Variants in NDUFA1 observed in about 807,000 individuals in gnomAD.
The protein encoded by NDUFA1 is NADH:ubiquinone oxidoreductase subunit A1.
For missense variants in NDUFA1, 42 were observed against 56.0 expected (o/e 0.75, Z 0.80); for synonymous variants, 21 against 20.0 (o/e 1.05, Z -0.14).
intron 2 of NDUFA1, among the ~76,000 whole-genome samples, chrX:119,875,623 T>A (rs1364081273): frequency 9.0e-6 from 1 of 110,665 alleles, no homozygotes; most frequent in Non-Finnish European, 1.9e-5. Context: ...TCTTTTAATT[T>A]ATAGCTTCTG....
chrX:119,872,070 T>C, intron 1 of NDUFA1, 57 bp downstream of exon 1: 1 of 1,096,943 alleles, frequency 9.1e-7, no homozygotes. Context: ...AAAAGGGTGG[T>C]GGGCAGGGAG....
At chrX:119,876,437 C>A in intron 2 of NDUFA1, 77 bp from the exon 3 acceptor site, 2 of 1,028,313 alleles carry the variant, frequency 1.9e-6, no homozygotes, top group Non-Finnish European at 2.7e-6. Flanking sequence ...CATTTAATGA[C>A]ACTGGAAATA....
chrX:119,873,468 C>A lies in NDUFA1; in HGVS notation c.192+75C>A, dbSNP rs376215974. 9.1e-5 allele frequency: 72 copies of A among 787,742 alleles called. 2 individuals carry two copies. The highest frequency in any genetic ancestry group is 8.6e-4 in the African/African-American group (42 of 48,571). 64.9% of individuals were successfully genotyped at this position (787,742 alleles called of 1,213,427 possible). On this transcript the variant is annotated intron_variant, in intron 2 of 2. Coordinates refer to ENST00000371437, the MANE Select transcript of NDUFA1 (RefSeq NM_004541.4). ...TGGTAATGCCTTGCCAAGGGTCATA[C>A]AGTGCTAATATATAACTAGCATTTT...
At chrX:119,875,562 G>T (rs748623923) in intron 2 of NDUFA1, among the ~76,000 whole-genome samples, 7 of 109,449 alleles carry the variant, frequency 6.4e-5, no homozygotes, top group Non-Finnish European at 1.1e-4. Flanking sequence ...CACCCACCTC[G>T]GCCTCCCAAA....
chrX:119,872,488 A>AT (rs1164125504), intron 1 of NDUFA1, among the ~76,000 whole-genome samples: 1 of 109,246 alleles, frequency 9.2e-6, no homozygotes. Context: ...GTGGTGGCGC[A>AT]TGCCTGTAAT....
chrX:119,871,950 C>T lies in NDUFA1; in HGVS notation c.39C>T (p.Gly13=), dbSNP rs372308417. 1.8e-5 allele frequency: 22 copies of T among 1,211,187 alleles called. No individual in the cohort carries two copies. The African/African-American group carries it at 3.8e-4, about 21-fold the overall frequency. The stretch of plus-strand genomic sequence containing the variant: ...TTCTCCCCGGACTCTCCGTCATGGG[C>T]GTGTGCTTGTTGATTCCAGGACTGG... ...FEILPGLSVM[G]VCLLIPGLAT... is the part of the protein sequence containing the mutation. Residue 13 remains glycine (G), a synonymous_variant, in exon 1 of 3, where the codon GGC becomes GGT. Transcript: ENST00000371437.
rs971708238 is a variant in NDUFA1 at position 119,871,850 on chromosome X, C to A, written c.-62C>A. 3 of 1,155,767 alleles carry A rather than the reference C, an allele frequency of 2.6e-6. No individual in the cohort carries two copies. Among genetic ancestry groups the A allele is most frequent in the Non-Finnish European group, 3.6e-6 (3 of 843,977 alleles). On this transcript the variant is annotated 5_prime_UTR_variant, in exon 1 of 3. Coordinates refer to ENST00000371437, the MANE Select transcript of NDUFA1 (RefSeq NM_004541.4). ...CCGCGGGGCTTGCTGGGAAGAGAGG[C>A]GAAGCCAGGTCACCTTTCAAGGACC...
intron 1 of NDUFA1, among the ~76,000 whole-genome samples, chrX:119,872,990 G>A (rs1039250646): frequency 1.9e-5 from 2 of 105,887 alleles, no homozygotes; most frequent in African/African-American, 6.9e-5. Flanking sequence ...TGTTCTTCAC[G>A]TGTGATCTAC....
In NDUFA1 at chrX:119,876,643, T is replaced by TA. The variant is rs1423405505; in HGVS notation, c.*114dup. On this transcript the variant is annotated 3_prime_UTR_variant, in exon 3 of 3. Coordinates refer to ENST00000371437, the MANE Select transcript of NDUFA1 (RefSeq NM_004541.4). ...ATGCAATGTGTTATGTAGTGCTTAA[T>TA]AAAAATAAAATGAAAAAAATGCATT... 1.4e-6 allele frequency: 1 copy of TA among 714,480 alleles called. No individual in the cohort carries two copies. Among genetic ancestry groups the TA allele is most frequent in the Non-Finnish European group, 2.1e-6 (1 of 469,619 alleles). 58.9% of individuals were successfully genotyped at this position (714,480 alleles called of 1,213,427 possible).
rs778987615 is a variant in NDUFA1, at chrX:119,872,185, C to T, written c.102+172C>T. On this transcript the variant is annotated intron_variant, in intron 1 of 2. Transcript: ENST00000371437. ...GAAGCCCGATAGAAACTACATCCTG[C>T]TCTAGTGAAAAACAGCGTTTCTGGG... Among the ~76,000 whole-genome samples, 82 of 112,600 alleles carry T rather than the reference C, an allele frequency of 7.3e-4. 2 individuals are homozygous for T. In the South Asian group the frequency reaches 0.028, roughly 38 times the overall value.
chrX:119,873,051 T>G (rs995335794), intron 1 of NDUFA1, among the ~76,000 whole-genome samples: 2 of 103,895 alleles, frequency 1.9e-5, no homozygotes, highest in African/African-American at 7.3e-5. Flanking sequence ...ATTTCTTTTT[T>G]TTTTTTTTTA....
rs191858257 is a variant in NDUFA1, at chrX:119,873,281, C to T, written c.103-23C>T. On this transcript the variant is annotated intron_variant, in intron 1 of 2. Transcript: ENST00000371437. Reference sequence around the variant, plus strand: ...GGTCACTCACTTTTATAAACTGCAACAATAATTGTCTCTTATTTGAAGGAA... The same window carrying T: ...GGTCACTCACTTTTATAAACTGCAATAATAATTGTCTCTTATTTGAAGGAA... 14 of 1,159,153 alleles carry T rather than the reference C, an allele frequency of 1.2e-5. No individual in the cohort carries two copies. In the East Asian group the frequency reaches 3.9e-4, roughly 32 times the overall value.
Position 119,873,376 on chromosome X carries a change from C to G in NDUFA1, c.175C>G (p.Arg59Gly). The part of the protein sequence containing the change: ...ERDRRISGVD[R>G]YYVSKGLENI... ...AGATAGGCGCATCTCTGGAGTTGAT[C>G]GTTACTATGTGTCAAAGGTAAGATG... The change falls in exon 2 of 3, where the codon CGT becomes GGT. Residue 59 changes from arginine (R) to glycine (G), a missense_variant. Arg to Gly is a moderately radical substitution (Grantham distance 125). Transcript: ENST00000371437. 8.3e-7 allele frequency: 1 copy of G among 1,209,629 alleles called. No individual in the cohort carries two copies. Among genetic ancestry groups the G allele is most frequent in the Non-Finnish European group, 1.1e-6 (1 of 894,094 alleles).
rs772788708 is a variant in NDUFA1 at position 119,871,904 on chromosome X, G to T, written c.-8G>T. ...AAGTAGGGTTTTGGCCTAGGTAACG[G>T]GGCAGAGATGTGGTTCGAGATTCTC... On this transcript the variant is annotated 5_prime_UTR_variant, in exon 1 of 3. Coordinates refer to ENST00000371437, the MANE Select transcript of NDUFA1 (RefSeq NM_004541.4). 2 of 1,209,158 alleles carry T rather than the reference G, an allele frequency of 1.7e-6. No homozygotes were observed. Among genetic ancestry groups the T allele is most frequent in the Admixed American group, 2.2e-5 (1 of 46,022 alleles).
chrX:119,873,542 ATTTC>A (rs1484332761), intron 2 of NDUFA1, 149 bp downstream of exon 2: 3 of 366,931 alleles, frequency 8.2e-6, no homozygotes, highest in Admixed American at 1.0e-4. Flanking sequence ...AATCTTTTAT[ATTTC>A]TTTTTTTTTT....
chrX:119,872,476 G>C, intron 1 of NDUFA1, among the ~76,000 whole-genome samples: 1 of 109,729 alleles, frequency 9.1e-6, no homozygotes, highest in Non-Finnish European at 1.9e-5. Flanking sequence ...AATTAGCTGG[G>C]CGTGGTGGCG....
At chrX:119,876,469 A>G (rs1270494035) in intron 2 of NDUFA1, 45 bp from the exon 3 acceptor site, 1 of 1,188,851 alleles carries the variant, frequency 8.4e-7, no homozygotes, top group Non-Finnish European at 1.1e-6. Flanking sequence ...CATATCTTTG[A>G]TGGGAACAGA....
chrX:119,872,483 G>A (rs1015586824), intron 1 of NDUFA1, among the ~76,000 whole-genome samples: 3 of 109,906 alleles, frequency 2.7e-5, no homozygotes, highest in African/African-American at 9.9e-5. Flanking sequence ...TGGGCGTGGT[G>A]GCGCATGCCT....
intron 2 of NDUFA1, among the ~76,000 whole-genome samples, chrX:119,875,293 G>C (rs1342235748): frequency 9.7e-6 from 1 of 102,837 alleles, no homozygotes; most frequent in Non-Finnish European, 2.0e-5. Context: ...TTAATACCTA[G>C]AAGAAGTGTC....
Sources: gnomAD v4.1 joint callset for allele counts (sites outside exome capture counted in the v4.1 genomes callset) on GRCh38, gnomAD v4.1.1 for gene constraint, MANE v1.5 for transcripts, NCBI Gene and HGNC (gene_info 2026-07-23, HGNC 2026-07-21) for gene names.